The following EXD2 variants were observed in gnomAD, a reference collection of about 807,000 sequenced individuals.
The protein encoded by EXD2 is exonuclease 3'-5' domain containing 2, also known as exonuclease 3'-5' domain-containing protein 2.
In EXD2, 40 loss-of-function variants were observed where a neutral mutation model predicts 62.5. That is an observed-to-expected ratio of 0.64 (90% CI 0.50 to 0.83). EXD2 has a LOEUF of 0.83. EXD2 is among the 40% of genes least tolerant of loss of function. The pLI, the probability that EXD2 is intolerant of heterozygous loss-of-function variation, is 0.00. For synonymous variants in EXD2, 239 were observed against 291.9 expected, an observed-to-expected ratio of 0.82 and a Z score of 1.85; for missense variants, 671 against 761.8, an observed-to-expected ratio of 0.88 and a Z score of 1.40.
chr14:69,236,279 G>A, intron 7 of EXD2, 127 bp downstream of exon 7: 1 of 1,541,562 alleles, frequency 6.5e-7, no homozygotes, highest in Non-Finnish European at 8.9e-7. Flanking sequence ...CATGGGACTG[G>A]GTAGGCACAA....
chr14:69,194,289 C>G (rs1410040147), intron 1 of EXD2, among the ~76,000 whole-genome samples: 1 of 151,926 alleles, frequency 6.6e-6, no homozygotes, highest in Non-Finnish European at 1.5e-5. Flanking sequence ...CAGGCGCCCA[C>G]CACCTCGCTT....
intron 3 of EXD2, among the ~76,000 whole-genome samples, chr14:69,222,068 T>C (rs1038299272): frequency 6.6e-5 from 10 of 151,050 alleles, no homozygotes; most frequent in African/African-American, 1.9e-4. Context: ...ACCTAGGTGG[T>C]AGGGTGAGAC....
At chr14:69,196,485 A>G (rs1216940327) in intron 1 of EXD2, among the ~76,000 whole-genome samples, 1 of 151,950 alleles carries the variant, frequency 6.6e-6, no homozygotes, top group Non-Finnish European at 1.5e-5. Context: ...ATGTGTTTTC[A>G]TTTCCCTTGG....
In EXD2 at chr14:69,239,587, C is replaced by T. The variant is rs956334293; in HGVS notation, c.1650-1297C>T. 8.5e-5 allele frequency among the ~76,000 whole-genome samples: 13 copies of T among 152,140 alleles called. No homozygotes were observed. The South Asian group carries it at 1.2e-3, about 15-fold the overall frequency. Reference sequence around the variant, plus strand: ...GCCTTAATTGTTTCTCATGACAACCCGACAAAGTAGGATTTAGATTTCTTA... The same window carrying T: ...GCCTTAATTGTTTCTCATGACAACCTGACAAAGTAGGATTTAGATTTCTTA... On this transcript the variant is annotated intron_variant, in intron 9 of 9. Transcript: ENST00000685843.
chr14:69,193,608 A>G (rs1040052057), intron 1 of EXD2, among the ~76,000 whole-genome samples: 1 of 152,062 alleles, frequency 6.6e-6, no homozygotes, highest in African/African-American at 2.4e-5. Context: ...TTTGTTATTC[A>G]TATGTGTTTA....
At chr14:69,228,637 T>C (rs1184995935) in intron 3 of EXD2, among the ~76,000 whole-genome samples, 179 bp from the exon 4 acceptor site, 2 of 152,232 alleles carry the variant, frequency 1.3e-5, no homozygotes, top group African/African-American at 4.8e-5. Context: ...AGGTCACTGC[T>C]TCACAAAGTC....
At chr14:69,222,805 T>C (rs899848434) in intron 3 of EXD2, among the ~76,000 whole-genome samples, 2 of 152,232 alleles carry the variant, frequency 1.3e-5, no homozygotes, top group Non-Finnish European at 1.5e-5. Context: ...TTCATTTTTG[T>C]AGTTTTACTA....
At chr14:69,238,599 GTT>G (rs556113895) in intron 9 of EXD2, among the ~76,000 whole-genome samples, 1,912 of 131,240 alleles carry the variant, frequency 0.015, 36 homozygotes, top group African/African-American at 0.051. Flanking sequence ...AGTACAGATA[GTT>G]TTTTTTTTTT....
intron 3 of EXD2, among the ~76,000 whole-genome samples, chr14:69,213,084 C>CTTTTTT (rs71102636): frequency 3.9e-5 from 5 of 126,586 alleles, no homozygotes; most frequent in African/African-American, 5.8e-5. Context: ...TTCTTCTTTT[C>CTTTTTT]TTTTTTTTTT....
At chr14:69,240,799 C>A (rs1216428901) in intron 9 of EXD2, 85 bp from the exon 10 acceptor site, 1 of 1,209,422 alleles carries the variant, frequency 8.3e-7, no homozygotes. Flanking sequence ...TCCCCAGTTA[C>A]CCTTGGCGCG....
rs142445480 is a variant in EXD2 at position 69,229,065 on chromosome 14, C to T, written c.583C>T (p.Arg195Trp). 4.3e-5 allele frequency: 70 copies of T among 1,613,954 alleles called. No homozygotes were observed. The highest frequency in any genetic ancestry group is 1.1e-4 in the African/African-American group (8 of 74,908). Residue 195 changes from arginine (R) to tryptophan (W), a missense_variant, in exon 4 of 10, where the codon CGG becomes TGG. Coordinates refer to ENST00000685843, the MANE Select transcript of EXD2 (RefSeq NM_001193360.2). ...CCTGGACCTCCGATACCTAGCCATG[C>T]GGCAGAGGTGTGGTTTGTATGAATG... is the stretch of plus-strand genomic sequence containing the variant. ...GCLDLRYLAMRQRNNLLCNGL... is the reference protein window; with the variant it reads ...GCLDLRYLAMWQRNNLLCNGL...
intron 8 of EXD2, 130 bp downstream of exon 8, chr14:69,236,672 A>G (rs1055727221): frequency 8.3e-6 from 10 of 1,205,260 alleles, no homozygotes; most frequent in Non-Finnish European, 1.2e-5. Context: ...CCTAGTATCC[A>G]GCTTCCCCAA....
rs763600120 is a variant in EXD2, at chr14:69,237,891, A to T, written c.1609A>T (p.Thr537Ser). The change falls in exon 9 of 10, where the codon ACA becomes TCA. Residue 537 changes from threonine (T) to serine (S), a missense_variant. By Grantham distance (58) the Thr-to-Ser change is moderately conservative. Transcript: ENST00000685843. ...LREFYNTDVV[T>S]EEMLQEAASL... ...AGAGTTTTATAACACAGACGTGGTCACAGAGGAGATGCTTCAAGAGGCTGC... is the reference window on the plus strand; with the variant it reads ...AGAGTTTTATAACACAGACGTGGTCTCAGAGGAGATGCTTCAAGAGGCTGC... 1 of 1,591,460 alleles carries T rather than the reference A, an allele frequency of 6.3e-7. No individual in the cohort carries two copies. Among genetic ancestry groups the T allele is most frequent in the Non-Finnish European group, 8.5e-7 (1 of 1,170,402 alleles).
chr14:69,207,242 A>G (rs1273740573), intron 2 of EXD2, among the ~76,000 whole-genome samples: 1 of 151,992 alleles, frequency 6.6e-6, no homozygotes, highest in African/African-American at 2.4e-5. Context: ...ACCTGTAATC[A>G]CAGCATTTTG....
chr14:69,197,541 T>C (rs931615697), intron 1 of EXD2, among the ~76,000 whole-genome samples: 8 of 152,074 alleles, frequency 5.3e-5, no homozygotes, highest in African/African-American at 7.3e-5. Flanking sequence ...ACTCAGGTAT[T>C]GGGTATAGGT....
Position 69,241,779 on chromosome 14 carries a change from T to G in EXD2, c.*679T>G. The G allele has an allele frequency of 5.0e-6, 2 of 398,522 alleles. No individual in the cohort carries two copies. Among genetic ancestry groups the G allele is most frequent in the Non-Finnish European group, 8.9e-6 (2 of 225,958 alleles). The allele number at this position is 398,522 out of a possible 1,614,324, so 24.7% of individuals were successfully genotyped here. A position where few individuals can be genotyped will look rare whatever the true frequency, so the allele number is the denominator to read the frequency against. The stretch of plus-strand genomic sequence containing the variant: ...AGAAATCCTTTTCTGGACATGAGCC[T>G]TTGACCTGGGTGGGGCAGAAAGAAC... On this transcript the variant is annotated 3_prime_UTR_variant, in exon 10 of 10. Transcript: ENST00000685843.
intron 3 of EXD2, among the ~76,000 whole-genome samples, chr14:69,224,959 C>T (rs2043308080): frequency 6.6e-6 from 1 of 152,148 alleles, no homozygotes; most frequent in Non-Finnish European, 1.5e-5. Context: ...AGCCTGGCAA[C>T]AGAGACTCCG....
intron 3 of EXD2, among the ~76,000 whole-genome samples, chr14:69,223,594 G>A (rs575092331): frequency 6.6e-6 from 1 of 152,146 alleles, no homozygotes; most frequent in Admixed American, 6.6e-5. Flanking sequence ...CTATAATGAG[G>A]TATAACTGTG....
At position 69,236,487 on chromosome 14, in the gene EXD2, T is replaced by C; in HGVS notation, c.1237T>C (p.Leu413=). ...GCCCGAATCTCCTGGAGACTATTAC[T>C]TGATGGTTAAAGAGAACCTGTGTGT... The part of the protein sequence containing the change: ...GRPESPGDYY[L]MVKENLCVVC... Residue 413 remains leucine, a synonymous_variant, in exon 8 of 10, where the codon TTG becomes CTG. Transcript: ENST00000685843. 6.2e-7 allele frequency: 1 copy of C among 1,614,150 alleles called. No homozygotes were observed. The highest frequency in any genetic ancestry group is 8.5e-7 in the Non-Finnish European group (1 of 1,180,022).
Sources: gnomAD v4.1 joint callset for allele counts (sites outside exome capture counted in the v4.1 genomes callset) on GRCh38, gnomAD v4.1.1 for gene constraint, MANE v1.5 for transcripts, NCBI Gene and HGNC (gene_info 2026-07-23, HGNC 2026-07-21) for gene names.